ANKFN1: variants seen among roughly 807,000 people sequenced by gnomAD.
The protein encoded by ANKFN1 is ankyrin repeat and fibronectin type III domain containing 1, also known as ankyrin repeat and fibronectin type-III domain-containing protein 1.
A neutral mutation model predicts 108.7 loss-of-function variants in ANKFN1; 74 were observed. The ratio of observed to expected loss-of-function variants is 0.68; its 90% confidence interval spans 0.56 to 0.83. ANKFN1 has a LOEUF of 0.83. Among genes scored for constraint, ANKFN1 ranks in the 40% least tolerant of loss-of-function variants. The pLI is 0.00. For missense variants in ANKFN1, 1,505 were observed against 1,382.3 expected, an observed-to-expected ratio of 1.09 and a Z score of -1.41; for synonymous variants, 547 against 516.2, an observed-to-expected ratio of 1.06 and a Z score of -0.81.
Position 56,409,988 on chromosome 17 carries a change from A to C in ANKFN1, c.911-30339A>C, listed in dbSNP as rs924229282. ...ATATAATATATAATTTTTTTAAAAA[A>C]ACTGAAAGTAGAGTACTATTAAGCA... On this transcript the variant is annotated intron_variant, in intron 8 of 20. Transcript: ENST00000682825. Among the ~76,000 whole-genome samples the C allele has an allele frequency of 1.9e-4, 29 of 152,172 alleles. 1 individual carries two copies.
chr17:56,367,134 G>A (rs2046684730), intron 6 of ANKFN1, among the ~76,000 whole-genome samples: 1 of 152,122 alleles, frequency 6.6e-6, no homozygotes, highest in African/African-American at 2.4e-5. Context: ...ATTGAAAAAT[G>A]GCACATCATT....
intron 2 of ANKFN1, among the ~76,000 whole-genome samples, chr17:56,226,634 C>T (rs984050906): frequency 3.9e-5 from 6 of 152,166 alleles, no homozygotes; most frequent in African/African-American, 1.4e-4. Context: ...ACCTTCCCAG[C>T]TCCCATTTCA....
chr17:56,101,476 G>A (rs533106175), intron 4 of ANKFN1, among the ~76,000 whole-genome samples: 68 of 152,202 alleles, frequency 4.5e-4, no homozygotes, highest in Non-Finnish European at 9.1e-4. Context: ...CTAGGATTAG[G>A]GACTTCTCAG....
intron 8 of ANKFN1, among the ~76,000 whole-genome samples, chr17:56,421,325 G>A (rs984760875): frequency 2.0e-5 from 3 of 152,144 alleles, no homozygotes; most frequent in Non-Finnish European, 2.9e-5. Flanking sequence ...TGGGTGAAAC[G>A]TATGTCAGTT....
At chr17:56,219,609 A>G (rs577870977) in intron 2 of ANKFN1, among the ~76,000 whole-genome samples, 1 of 152,222 alleles carries the variant, frequency 6.6e-6, no homozygotes, top group Non-Finnish European at 1.5e-5. Context: ...TGATATTGAC[A>G]TGCTTTCTGA....
intron 15 of ANKFN1, among the ~76,000 whole-genome samples, chr17:56,467,791 GAAGAAAGAAAGA>G (rs1555660585): frequency 0.017 from 953 of 54,902 alleles, 16 homozygotes; most frequent in Middle Eastern, 0.049. Flanking sequence ...AAGAAAGAAA[GAAGAAAGAAAGA>G]AAGAAAGAAA....
intron 3 of ANKFN1, among the ~76,000 whole-genome samples, chr17:56,278,554 A>G (rs2043992620): frequency 6.6e-6 from 1 of 152,202 alleles, no homozygotes; most frequent in South Asian, 2.1e-4. Flanking sequence ...TTAAGGGTGG[A>G]CCCCACATAC....
At chr17:56,326,194 C>G in intron 3 of ANKFN1, 27 bp from the exon 4 acceptor site, 1 of 1,597,670 alleles carries the variant, frequency 6.3e-7, no homozygotes, top group Non-Finnish European at 8.5e-7. Flanking sequence ...CTGTAGTGAT[C>G]CTGTTCGCAT....
intron 4 of ANKFN1, among the ~76,000 whole-genome samples, chr17:56,055,566 C>CATACATATATATAT (rs1555588763): frequency 1.1e-3 from 50 of 47,458 alleles, no homozygotes; most frequent in African/African-American, 5.7e-3. Context: ...GGTATATATA[C>CATACATATATATAT]ATATATATAT....
chr17:56,296,136 T>G (rs1029185215), intron 3 of ANKFN1, among the ~76,000 whole-genome samples: 2 of 152,162 alleles, frequency 1.3e-5, no homozygotes, highest in Non-Finnish European at 2.9e-5. Flanking sequence ...TTTGATGTGA[T>G]AACTCTAAGT....
chr17:56,237,089 C>T (rs1160004504), intron 3 of ANKFN1, among the ~76,000 whole-genome samples: 1 of 152,142 alleles, frequency 6.6e-6, no homozygotes, highest in East Asian at 1.9e-4. Context: ...TCGAGCCAAC[C>T]TTGCATACCA....
chr17:56,232,516 A>G (rs1243156668), intron 3 of ANKFN1, among the ~76,000 whole-genome samples: 3 of 152,152 alleles, frequency 2.0e-5, no homozygotes, highest in Non-Finnish European at 4.4e-5. Context: ...ATATTTATCC[A>G]TGCAACACGT....
At position 56,480,890 on chromosome 17, in the gene ANKFN1, T is replaced by G. The variant is rs112813333; in HGVS notation, c.2091+72T>G. ...AACTGCATTGTAACATTAAGTGGGG[T>G]GTGTGTGTGTGTGTGTGTGTGTGTG... On this transcript the variant is annotated intron_variant, in intron 17 of 20. Coordinates refer to ENST00000682825, the MANE Select transcript of ANKFN1 (RefSeq NM_001370326.1). 10,916 of 1,171,848 alleles carry G rather than the reference T, an allele frequency of 9.3e-3. 506 individuals are homozygous for G. In the African/African-American group the frequency reaches 0.15, roughly 16 times the overall value. 72.6% of individuals were successfully genotyped at this position (1,171,848 alleles called of 1,614,324 possible).
At position 56,285,545 on chromosome 17, in the gene ANKFN1, G is replaced by T. The variant is rs75772888; in HGVS notation, c.54-40676G>T. 0.023 allele frequency among the ~76,000 whole-genome samples: 3,501 copies of T among 152,172 alleles called. 190 individuals are homozygous for T. In the East Asian group the frequency reaches 0.24, roughly 10 times the overall value. Reference sequence around the variant, plus strand: ...ACCCTCTCAGTTAAGACACTGCTCAGTGTTGGAGCAGTATAATGCTGACAT... The same window carrying T: ...ACCCTCTCAGTTAAGACACTGCTCATTGTTGGAGCAGTATAATGCTGACAT... On this transcript the variant is annotated intron_variant, in intron 3 of 20. Transcript: ENST00000682825.
At chr17:56,240,976 C>T (rs1439899811) in intron 3 of ANKFN1, among the ~76,000 whole-genome samples, 8 of 151,094 alleles carry the variant, frequency 5.3e-5, no homozygotes, top group African/African-American at 1.7e-4. Context: ...TTTTTTTTAA[C>T]TTTTTGTAGA....
chr17:56,271,961 G>C (rs1031986185), intron 3 of ANKFN1, among the ~76,000 whole-genome samples: 1 of 152,086 alleles, frequency 6.6e-6, no homozygotes, highest in Non-Finnish European at 1.5e-5. Context: ...GATATAAAAA[G>C]GGTACCCAAT....
intron 3 of ANKFN1, among the ~76,000 whole-genome samples, chr17:56,303,108 A>C (rs2044719675): frequency 6.6e-6 from 1 of 152,222 alleles, no homozygotes; most frequent in African/African-American, 2.4e-5. Context: ...ATTTCTCAGT[A>C]AGTTGGATAC....
At chr17:56,480,941 A>G in intron 17 of ANKFN1, 123 bp downstream of exon 17, 11 of 1,189,924 alleles carry the variant, frequency 9.2e-6, no homozygotes, top group Non-Finnish European at 1.3e-5. Context: ...CTTTACTTAA[A>G]CACCACTTTG....
In ANKFN1 at chr17:56,350,755, C is replaced by G. The variant is rs762215189; in HGVS notation, c.189-11C>G. ...TGTAAAAGATATAACATCGGACTTTCCTCTTCTTAGGAATTGTCGTGTGAA... is the reference window on the plus strand; with the variant it reads ...TGTAAAAGATATAACATCGGACTTTGCTCTTCTTAGGAATTGTCGTGTGAA... On this transcript the variant is annotated splice_polypyrimidine_tract_variant and intron_variant, in intron 4 of 20. Coordinates refer to ENST00000682825, the MANE Select transcript of ANKFN1 (RefSeq NM_001370326.1). 2 of 1,612,342 alleles carry G rather than the reference C, an allele frequency of 1.2e-6. No homozygotes were observed. The highest frequency in any genetic ancestry group is 4.5e-5 in the East Asian group (2 of 44,804).
Sources: gnomAD v4.1 joint callset for allele counts (sites outside exome capture counted in the v4.1 genomes callset) on GRCh38, gnomAD v4.1.1 for gene constraint, MANE v1.5 for transcripts, NCBI Gene and HGNC (gene_info 2026-07-23, HGNC 2026-07-21) for gene names.